The following SEPTIN10 variants were observed in gnomAD, a reference collection of about 807,000 sequenced individuals.
SEPTIN10 encodes septin 10, also known as septin-10.
In SEPTIN10, 66 loss-of-function variants were observed where a neutral mutation model predicts 54.8. The observed-to-expected ratio is 1.21, with a 90% CI of 0.99 to 1.48. SEPTIN10 has a LOEUF of 1.48. Among genes scored for constraint, SEPTIN10 ranks in the 40% most tolerant of loss-of-function variants. The pLI, the probability that SEPTIN10 is intolerant of heterozygous loss-of-function variation, is 0.00. For missense variants in SEPTIN10, 620 were observed against 545.6 expected (o/e 1.14, Z -1.36); for synonymous variants, 161 against 181.0 (o/e 0.89, Z 0.89).
intron 1 of SEPTIN10, among the ~76,000 whole-genome samples, chr2:109,597,724 C>T (rs1468177527): frequency 1.3e-5 from 2 of 152,184 alleles, no homozygotes; most frequent in Non-Finnish European, 2.9e-5. Flanking sequence ...CTACCATATA[C>T]TTTTTAAAAA....
chr2:109,596,533 C>T (rs1223372953), intron 1 of SEPTIN10, among the ~76,000 whole-genome samples: 1 of 151,768 alleles, frequency 6.6e-6, no homozygotes, highest in Non-Finnish European at 1.5e-5. Context: ...AGGAGAATGG[C>T]GTGAACCCAG....
chr2:109,555,107 A>G (rs1214189234), intron 8 of SEPTIN10, among the ~76,000 whole-genome samples: 2 of 152,028 alleles, frequency 1.3e-5, no homozygotes, highest in Non-Finnish European at 2.9e-5. Flanking sequence ...TCTTTCTTTC[A>G]CTTTGTTCTT....
chr2:109,590,493 G>A (rs1693796564), intron 2 of SEPTIN10, among the ~76,000 whole-genome samples: 2 of 151,654 alleles, frequency 1.3e-5, no homozygotes, highest in Admixed American at 1.3e-4. Flanking sequence ...GTGCAATGAT[G>A]TGGTCTCAGC....
At chr2:109,597,482 T>C (rs962324952) in intron 1 of SEPTIN10, among the ~76,000 whole-genome samples, 7 of 152,176 alleles carry the variant, frequency 4.6e-5, no homozygotes, top group Non-Finnish European at 8.8e-5. Flanking sequence ...TGTGACTCTG[T>C]CTCAGAGAAA....
intron 9 of SEPTIN10, among the ~76,000 whole-genome samples, chr2:109,547,369 GTTTTTTTT>G (rs35573327): frequency 2.5e-5 from 3 of 117,864 alleles, no homozygotes; most frequent in South Asian, 5.5e-4. Flanking sequence ...TAATAAACTT[GTTTTTTTT>G]TTTTTTTTTT....
intron 5 of SEPTIN10, among the ~76,000 whole-genome samples, chr2:109,570,647 G>A (rs998644287): frequency 6.7e-6 from 1 of 150,364 alleles, no homozygotes; most frequent in Non-Finnish European, 1.5e-5. Context: ...TCAGCCTCCC[G>A]AGTAGCTGGG....
Position 109,581,088 on chromosome 2 carries a change from C to T in SEPTIN10, c.413+4038G>A, listed in dbSNP as rs190928007. 6.6e-5 allele frequency among the ~76,000 whole-genome samples: 10 copies of T among 152,336 alleles called. No individual in the cohort carries two copies. The East Asian group carries it at 1.9e-3, about 29-fold the overall frequency. On this transcript the variant is annotated intron_variant, in intron 4 of 10. Transcript: ENST00000397712. ...GGCCATTTCCTATATTAGAGCTATG[C>T]TAGTGGTTACAACATGCTATATGCT...
At chr2:109,547,738 AAAC>A (rs781493933) in intron 9 of SEPTIN10, among the ~76,000 whole-genome samples, 14 of 152,244 alleles carry the variant, frequency 9.2e-5, no homozygotes, top group Non-Finnish European at 1.5e-4. Flanking sequence ...GGAAGCTTTA[AAAC>A]AACTGGGATA....
intron 1 of SEPTIN10, among the ~76,000 whole-genome samples, chr2:109,596,614 CAAAAAAAGAAAA>C (rs1214171925): frequency 6.8e-6 from 1 of 146,084 alleles, no homozygotes. Context: ...GACTCCATCT[CAAAAAAAGAAAA>C]AAAAAAAGAA....
intron 8 of SEPTIN10, among the ~76,000 whole-genome samples, chr2:109,553,585 G>T (rs1017206987): frequency 2.7e-5 from 4 of 149,602 alleles, no homozygotes; most frequent in Non-Finnish European, 5.9e-5. Context: ...TGGCCTGGTG[G>T]CTCACGCCTG....
chr2:109,562,799 C>CTAA (rs1686010732), intron 8 of SEPTIN10, among the ~76,000 whole-genome samples: 1 of 152,130 alleles, frequency 6.6e-6, no homozygotes. Flanking sequence ...GATGATTAAT[C>CTAA]TTTAGTGAAG....
In SEPTIN10 at chr2:109,585,099, G is replaced by A. The variant is rs779148878; in HGVS notation, c.413+27C>T. 6.2e-6 allele frequency: 9 copies of A among 1,441,522 alleles called. No individual in the cohort carries two copies. The East Asian group carries it at 7.2e-5, about 11-fold the overall frequency. 89.3% of individuals were successfully genotyped at this position (1,441,522 alleles called of 1,614,324 possible). On this transcript the variant is annotated intron_variant, in intron 4 of 10. Coordinates refer to ENST00000397712, the MANE Select transcript of SEPTIN10 (RefSeq NM_144710.5). ...GAATGTCTTGAAATAAGAAAAACTT[G>A]TTTTATTACAAGAAGAAAACACATA...
At position 109,542,809 on chromosome 2, in the gene SEPTIN10, C is replaced by T. The variant is rs960663542; in HGVS notation, c.*1500G>A. 3.3e-5 allele frequency among the ~76,000 whole-genome samples: 5 copies of T among 152,300 alleles called. No individual in the cohort carries two copies. In the East Asian group the frequency reaches 9.6e-4, roughly 29 times the overall value. On this transcript the variant is annotated 3_prime_UTR_variant, in exon 11 of 11. Coordinates refer to ENST00000397712, the MANE Select transcript of SEPTIN10 (RefSeq NM_144710.5). ...AAGTATACAGATAAATTGTGCTATG[C>T]AAGGTTTTATTTACAACTTAGATGA... is the stretch of plus-strand genomic sequence containing the variant.
At chr2:109,586,375 A>G (rs1692537341) in intron 2 of SEPTIN10, among the ~76,000 whole-genome samples, 1 of 152,192 alleles carries the variant, frequency 6.6e-6, no homozygotes, top group South Asian at 2.1e-4. Flanking sequence ...TGAGGGAAGG[A>G]AACTTATCAG....
chr2:109,606,435 A>T (rs2106280598), intron 1 of SEPTIN10, among the ~76,000 whole-genome samples: 1 of 152,296 alleles, frequency 6.6e-6, no homozygotes, highest in Non-Finnish European at 1.5e-5. Flanking sequence ...AATAAAAAAT[A>T]AAATGTGATA....
In SEPTIN10 at chr2:109,543,383, T is replaced by C. The variant is rs1680418896; in HGVS notation, c.*926A>G. The C allele has an allele frequency of 6.6e-6, 1 of 152,186 alleles. No homozygotes were observed. Among genetic ancestry groups the C allele is most frequent in the Non-Finnish European group, 1.5e-5 (1 of 68,012 alleles). The allele number at this position is 152,186 out of a possible 1,614,324, so 9.4% of individuals were successfully genotyped here. On this transcript the variant is annotated 3_prime_UTR_variant, in exon 11 of 11. Coordinates refer to ENST00000397712, the MANE Select transcript of SEPTIN10 (RefSeq NM_144710.5). Reference sequence around the variant, plus strand: ...ATCTGGATGTTTTAACTTTTAAAGATATTTTGTTTCACCACAGTAATACGT... The same window carrying C: ...ATCTGGATGTTTTAACTTTTAAAGACATTTTGTTTCACCACAGTAATACGT...
intron 8 of SEPTIN10, among the ~76,000 whole-genome samples, chr2:109,553,786 G>A (rs1683685486): frequency 6.7e-6 from 1 of 150,266 alleles, no homozygotes; most frequent in Admixed American, 6.6e-5. Flanking sequence ...CCTAGGAGGT[G>A]AAGGTTGCAG....
intron 4 of SEPTIN10, among the ~76,000 whole-genome samples, chr2:109,580,012 T>G (rs1349464710): frequency 6.6e-6 from 1 of 151,662 alleles, no homozygotes; most frequent in Admixed American, 6.6e-5. Context: ...TCCCAGCTAC[T>G]CGGGAGGCTG....
At chr2:109,546,277 G>T in intron 9 of SEPTIN10, 40 bp from the exon 10 acceptor site, 1 of 1,359,100 alleles carries the variant, frequency 7.4e-7, no homozygotes, top group South Asian at 1.5e-5. Context: ...GACACAGCGC[G>T]GCAGCAGAGG....
Sources: gnomAD v4.1 joint callset for allele counts (sites outside exome capture counted in the v4.1 genomes callset) on GRCh38, gnomAD v4.1.1 for gene constraint, MANE v1.5 for transcripts, NCBI Gene and HGNC (gene_info 2026-07-23, HGNC 2026-07-21) for gene names.